NRXN3: variants seen among roughly 807,000 people sequenced by gnomAD.
The protein encoded by NRXN3 is neurexin III.
A neutral mutation model predicts 137.6 loss-of-function variants in NRXN3; 32 were observed. That is an observed-to-expected ratio of 0.23 (90% confidence interval 0.18 to 0.31). The LOEUF is 0.31. NRXN3 is among the 10% of genes least tolerant of loss of function. The pLI is 1.00. For synonymous variants in NRXN3, 798 were observed against 784.5 expected (o/e 1.02, Z -0.29); for missense variants, 1,574 against 2,062.5 (o/e 0.76, Z 4.59).
At chr14:79,340,160 GGTGT>G (rs10533702) in intron 15 of NRXN3, among the ~76,000 whole-genome samples, 10,859 of 145,912 alleles carry the variant, frequency 0.074, 641 homozygotes, top group Admixed American at 0.2. Flanking sequence ...TGAATTTAAG[GGTGT>G]GTGTGTGTGT....
chr14:78,354,866 T>C (rs1453071645), intron 4 of NRXN3, among the ~76,000 whole-genome samples: 6 of 152,114 alleles, frequency 3.9e-5, no homozygotes, highest in Non-Finnish European at 7.4e-5. Flanking sequence ...CAGTGTAAAG[T>C]AAGAAAACAG....
At chr14:78,594,821 A>T (rs1015692021) in intron 4 of NRXN3, among the ~76,000 whole-genome samples, 2 of 152,264 alleles carry the variant, frequency 1.3e-5, no homozygotes, top group Admixed American at 1.3e-4. Context: ...GCTACCAGGA[A>T]TCACAGTTGG....
chr14:79,259,253 A>C (rs1451469793), intron 15 of NRXN3, among the ~76,000 whole-genome samples: 1 of 152,200 alleles, frequency 6.6e-6, no homozygotes, highest in African/African-American at 2.4e-5. Context: ...ATTGTGTGTC[A>C]AAAGAAGTAG....
chr14:78,302,607 C>A (rs142511997), intron 4 of NRXN3, among the ~76,000 whole-genome samples: 1 of 152,314 alleles, frequency 6.6e-6, no homozygotes, highest in East Asian at 1.9e-4. Flanking sequence ...ACCTTGCATT[C>A]TCTGTAGCAT....
intron 15 of NRXN3, among the ~76,000 whole-genome samples, chr14:79,264,385 G>A (rs1467178861): frequency 2.0e-5 from 3 of 152,258 alleles, no homozygotes; most frequent in Admixed American, 6.5e-5. Context: ...CATCATGTCC[G>A]GCCAACAATA....
At chr14:78,567,592 C>G (rs1671852426) in intron 4 of NRXN3, among the ~76,000 whole-genome samples, 1 of 152,102 alleles carries the variant, frequency 6.6e-6, no homozygotes, top group Admixed American at 6.5e-5. Flanking sequence ...GTGAGTGTCT[C>G]CTAGTTATAT....
At chr14:79,348,477 G>A (rs1024756871) in intron 15 of NRXN3, among the ~76,000 whole-genome samples, 2 of 150,720 alleles carry the variant, frequency 1.3e-5, no homozygotes, top group South Asian at 2.1e-4. Context: ...CCGGGTTCAC[G>A]CCATTTTCCT....
At chr14:78,448,148 T>A (rs1177541281) in intron 4 of NRXN3, among the ~76,000 whole-genome samples, 1 of 152,250 alleles carries the variant, frequency 6.6e-6, no homozygotes, top group Non-Finnish European at 1.5e-5. Flanking sequence ...CTAGATAGTC[T>A]ATCATCTTTA....
intron 3 of NRXN3, among the ~76,000 whole-genome samples, chr14:78,295,587 T>C (rs1290852464): frequency 1.3e-5 from 2 of 152,198 alleles, no homozygotes; most frequent in East Asian, 3.9e-4. Flanking sequence ...TATATGCCAC[T>C]CTAAAGGGGT....
intron 15 of NRXN3, among the ~76,000 whole-genome samples, chr14:79,136,865 G>A (rs756405908): frequency 6.6e-6 from 1 of 152,174 alleles, no homozygotes; most frequent in Non-Finnish European, 1.5e-5. Context: ...CCAAAGCTTA[G>A]TCATCCATAC....
Position 79,861,034 on chromosome 14 carries a change from C to T in NRXN3, c.4094-308C>T, listed in dbSNP as rs1405070095. ...AATTGTTTTTCTTTTTCTTTTCCAT[C>T]CCAGGAGGTGAATTAGTTATCCCTC... On this transcript the variant is annotated intron_variant, in intron 20 of 20. Transcript: ENST00000335750. The surrounding 1 kb of genome is among the most constrained non-coding windows in gnomAD (Gnocchi z 5.4). 2.2e-6 allele frequency: 3 copies of T among 1,394,976 alleles called. No individual in the cohort carries two copies. Among genetic ancestry groups the T allele is most frequent in the Non-Finnish European group, 2.8e-6 (3 of 1,074,850 alleles). The allele number at this position is 1,394,976 out of a possible 1,614,324, so 86.4% of individuals were successfully genotyped here. A position where few individuals can be genotyped will look rare whatever the true frequency, so the allele number is the denominator to read the frequency against.
intron 15 of NRXN3, among the ~76,000 whole-genome samples, chr14:79,011,511 A>G (rs1294836131): frequency 6.6e-6 from 1 of 151,752 alleles, no homozygotes; most frequent in Admixed American, 6.6e-5. Flanking sequence ...TTTCTCTATC[A>G]TTATCCATGT....
intron 8 of NRXN3, among the ~76,000 whole-genome samples, chr14:78,721,639 T>C (rs549441963): frequency 9.8e-5 from 15 of 152,308 alleles, no homozygotes; most frequent in Admixed American, 9.2e-4. Flanking sequence ...ATGAATACCT[T>C]GGTGTACTGA....
intron 15 of NRXN3, among the ~76,000 whole-genome samples, chr14:79,251,377 T>C (rs150037822): frequency 8.1e-4 from 124 of 152,194 alleles, no homozygotes; most frequent in South Asian, 1.9e-3. Flanking sequence ...CTAGTTTAGA[T>C]AGGGAGAGGG....
At chr14:78,583,834 T>C (rs542106000) in intron 4 of NRXN3, among the ~76,000 whole-genome samples, 8 of 152,296 alleles carry the variant, frequency 5.3e-5, no homozygotes, top group Non-Finnish European at 1.0e-4. Flanking sequence ...CTGTGGGTTT[T>C]AGCCTCTGTG....
rs781257242 is a variant in NRXN3 at position 79,227,949 on chromosome 14, A to T, written c.3263-239272A>T. 5.9e-4 allele frequency among the ~76,000 whole-genome samples: 90 copies of T among 151,958 alleles called. 2 individuals are homozygous for T. Among genetic ancestry groups the T allele is most frequent in the Non-Finnish European group, 1.6e-4 (11 of 68,004 alleles). On this transcript the variant is annotated intron_variant, in intron 15 of 20. Transcript: ENST00000335750. ...TGACAGTTAAAAAGATGCCAGTGAC[A>T]TCTTTCCCCAAAGCAATAGAAAGGA... is the stretch of plus-strand genomic sequence containing the variant.
intron 15 of NRXN3, among the ~76,000 whole-genome samples, chr14:79,343,629 C>T (rs2092723296): frequency 6.6e-6 from 1 of 152,134 alleles, no homozygotes; most frequent in Non-Finnish European, 1.5e-5. Flanking sequence ...CAAATGTTGG[C>T]CAACAACTCT....
At chr14:79,383,798 A>G (rs913888170) in intron 15 of NRXN3, among the ~76,000 whole-genome samples, 1 of 152,144 alleles carries the variant, frequency 6.6e-6, no homozygotes, top group African/African-American at 2.4e-5. Context: ...ACCCATCTAG[A>G]TAAATTTAAC....
chr14:78,611,321 G>A (rs760702299), intron 4 of NRXN3, among the ~76,000 whole-genome samples: 6 of 151,816 alleles, frequency 4.0e-5, no homozygotes, highest in Admixed American at 6.6e-5. Flanking sequence ...CTTCCCTTCC[G>A]TTCTTTTTGT....
Sources: allele counts gnomAD v4.1 joint callset (sites outside exome capture counted in the v4.1 genomes callset), GRCh38; gene constraint gnomAD v4.1.1; non-coding constraint Gnocchi (gnomAD v3.1); transcripts MANE v1.5; gene names NCBI Gene and HGNC (gene_info 2026-07-23, HGNC 2026-07-21).